JAKMIP1: variants seen among roughly 807,000 people sequenced by gnomAD.
JAKMIP1 encodes the protein janus kinase and microtubule interacting protein 1, also known as janus kinase and microtubule-interacting protein 1.
JAKMIP1 carries 33 observed loss-of-function variants against 113.0 expected under a neutral mutation model. The ratio of observed to expected loss-of-function variants is 0.29; its 90% confidence interval spans 0.22 to 0.39. JAKMIP1 has a LOEUF of 0.39. JAKMIP1 is among the 10% of genes least tolerant of loss of function. The pLI is 1.00. For missense variants in JAKMIP1, 813 were observed against 1,080.5 expected, an observed-to-expected ratio of 0.75 and a Z score of 3.47; for synonymous variants, 480 against 459.9, an observed-to-expected ratio of 1.04 and a Z score of -0.56.
rs1715560689 is a variant in JAKMIP1 at position 6,050,777 on chromosome 4, G to A, written c.1807-98C>T. ...CAGCAAAAACCAAGGAATTCCAGTGGGCACAGACGTTACTAAAAAGCACGA... is the reference window on the plus strand; with the variant it reads ...CAGCAAAAACCAAGGAATTCCAGTGAGCACAGACGTTACTAAAAAGCACGA... On this transcript the variant is annotated intron_variant, in intron 13 of 20. Coordinates refer to ENST00000409021, the MANE Select transcript of JAKMIP1 (RefSeq NM_001099433.2). This position sits in a 1 kb window ranked among gnomAD's most constrained non-coding sequence, Gnocchi z 7.4. The A allele has an allele frequency of 3.2e-6, 3 of 938,360 alleles. No homozygotes were observed. Among genetic ancestry groups the A allele is most frequent in the Admixed American group, 4.6e-5 (2 of 43,470 alleles). 58.1% of individuals were successfully genotyped at this position (938,360 alleles called of 1,614,324 possible). A position where few individuals can be genotyped will look rare whatever the true frequency, so the allele number is the denominator to read the frequency against.
In JAKMIP1 at chr4:6,105,983, C is replaced by A. The variant is rs752229934; in HGVS notation, c.130-16G>T. 1.9e-6 allele frequency: 3 copies of A among 1,540,108 alleles called. No individual in the cohort carries two copies. The highest frequency in any genetic ancestry group is 3.5e-5 in the Admixed American group (2 of 57,806). On this transcript the variant is annotated splice_polypyrimidine_tract_variant and intron_variant, in intron 2 of 20. Transcript: ENST00000409021. ...GTTTGCCCACCTGCAGCCAGAGCGGCGAGAGAGCCGGTCAGGGTCAGGGTC... is the reference window on the plus strand; with the variant it reads ...GTTTGCCCACCTGCAGCCAGAGCGGAGAGAGAGCCGGTCAGGGTCAGGGTC...
intron 1 of JAKMIP1, among the ~76,000 whole-genome samples, chr4:6,113,592 G>A (rs1016430128): frequency 6.6e-6 from 1 of 152,322 alleles, no homozygotes; most frequent in Non-Finnish European, 1.5e-5. Context: ...ACACACAGAG[G>A]TTGACTGCTG....
chr4:6,137,430 T>G lies in JAKMIP1; in HGVS notation c.-147-24433A>C, dbSNP rs368610377. On this transcript the variant is annotated intron_variant, in intron 1 of 20. Coordinates refer to ENST00000409021, the MANE Select transcript of JAKMIP1 (RefSeq NM_001099433.2). The surrounding 1 kb of genome is among the most constrained non-coding windows in gnomAD (Gnocchi z 4.5). Reference sequence around the variant, plus strand: ...TCTGGCCCATGGAACCTTAATCACGTCACACCTGATACAGTTCCTGAAAAG... The same window carrying G: ...TCTGGCCCATGGAACCTTAATCACGGCACACCTGATACAGTTCCTGAAAAG... 3.1e-4 allele frequency among the ~76,000 whole-genome samples: 47 copies of G among 152,240 alleles called. No individual in the cohort carries two copies. The highest frequency in any genetic ancestry group is 1.1e-3 in the African/African-American group (45 of 41,556).
At chr4:6,159,445 A>T (rs1420064597) in intron 1 of JAKMIP1, among the ~76,000 whole-genome samples, 1 of 152,226 alleles carries the variant, frequency 6.6e-6, no homozygotes, top group African/African-American at 2.4e-5. Context: ...CACATAACAA[A>T]TCCCAGGTTA....
In JAKMIP1 at chr4:6,093,133, A is replaced by G. The variant is rs1722312949; in HGVS notation, c.625-7504T>C. Among the ~76,000 whole-genome samples, 1 of 152,092 alleles carries G rather than the reference A, an allele frequency of 6.6e-6. No individual in the cohort carries two copies. Among genetic ancestry groups the G allele is most frequent in the Non-Finnish European group, 1.5e-5 (1 of 68,008 alleles). ...AGGATCACCTAACAAACTCCTATGC[A>G]TCCTTCAAAACCCAGCTCACACCTC... is the stretch of plus-strand genomic sequence containing the variant. On this transcript the variant is annotated intron_variant, in intron 3 of 20. Coordinates refer to ENST00000409021, the MANE Select transcript of JAKMIP1 (RefSeq NM_001099433.2). The surrounding 1 kb of genome is among the most constrained non-coding windows in gnomAD (Gnocchi z 4.6).
rs1717721820 is a variant in JAKMIP1, at chr4:6,064,230, G to C, written c.1431+650C>G. Among the ~76,000 whole-genome samples the C allele has an allele frequency of 6.6e-6, 1 of 152,228 alleles. No individual in the cohort carries two copies. The highest frequency in any genetic ancestry group is 2.4e-5 in the African/African-American group (1 of 41,456). On this transcript the variant is annotated intron_variant, in intron 9 of 20. Transcript: ENST00000409021. This position sits in a 1 kb window ranked among gnomAD's most constrained non-coding sequence, Gnocchi z 4.3. ...CACTGGAAGGCATAGAAGCCCACAA[G>C]GTCTGCCTGAGATGTAATCAGCACT...
rs1341357294 is a variant in JAKMIP1, at chr4:6,140,915, C to A, written c.-147-27918G>T. ...GTAGACACTGGAGAATGGTGGGATC[C>A]CTCTCTTTACAAAATCAGAAGCTGA... On this transcript the variant is annotated intron_variant, in intron 1 of 20. Transcript: ENST00000409021. This position sits in a 1 kb window ranked among gnomAD's most constrained non-coding sequence, Gnocchi z 9.4. Among the ~76,000 whole-genome samples the A allele has an allele frequency of 2.0e-5, 3 of 152,136 alleles. No homozygotes were observed. Among genetic ancestry groups the A allele is most frequent in the Non-Finnish European group, 2.9e-5 (2 of 68,036 alleles).
Position 6,167,614 on chromosome 4 carries a change from T to C in JAKMIP1, c.-148+32639A>G, listed in dbSNP as rs1302832022. Among the ~76,000 whole-genome samples the C allele has an allele frequency of 2.6e-5, 4 of 152,108 alleles. No individual in the cohort carries two copies. The highest frequency in any genetic ancestry group is 4.8e-5 in the African/African-American group (2 of 41,410). On this transcript the variant is annotated intron_variant, in intron 1 of 20. Coordinates refer to ENST00000409021, the MANE Select transcript of JAKMIP1 (RefSeq NM_001099433.2). The surrounding 1 kb of genome is among the most constrained non-coding windows in gnomAD (Gnocchi z 5.3). ...TTAACAAGGAGCCCCAAAAACTACA[T>C]AGCCGTTTCTGACAACCACCAGCCC...
chr4:6,153,085 T>TC lies in JAKMIP1; in HGVS notation c.-147-40089dup, dbSNP rs1181247238. On this transcript the variant is annotated intron_variant, in intron 1 of 20. Transcript: ENST00000409021. The surrounding 1 kb of genome is among the most constrained non-coding windows in gnomAD (Gnocchi z 4.9). ...CTGTGACCAGCCCCACCCATGCACA[T>TC]CCCCCTCCCCTACCTGCCTGAAGAC... is the stretch of plus-strand genomic sequence containing the variant. Among the ~76,000 whole-genome samples the TC allele has an allele frequency of 6.6e-6, 1 of 151,794 alleles. No homozygotes were observed. The highest frequency in any genetic ancestry group is 2.4e-5 in the African/African-American group (1 of 41,310).
Position 6,115,461 on chromosome 4 carries a change from G to A in JAKMIP1, c.-147-2464C>T, listed in dbSNP as rs530860128. 5.7e-4 allele frequency among the ~76,000 whole-genome samples: 87 copies of A among 152,286 alleles called. 2 individuals carry two copies. The South Asian group carries it at 0.013, about 23-fold the overall frequency. ...ATACAATTTATAGTTTCAATTGTCT[G>A]CTATATATATATTTGCTCATTATTT... is the stretch of plus-strand genomic sequence containing the variant. On this transcript the variant is annotated intron_variant, in intron 1 of 20. Transcript: ENST00000409021.
intron 20 of JAKMIP1, among the ~76,000 whole-genome samples, chr4:6,027,394 T>C (rs1161135048): frequency 6.6e-6 from 1 of 152,198 alleles, no homozygotes; most frequent in Non-Finnish European, 1.5e-5. Context: ...GCCCTTCATC[T>C]TCCACATGGG....
At position 6,140,654 on chromosome 4, in the gene JAKMIP1, C is replaced by A. The variant is rs1578362157; in HGVS notation, c.-147-27657G>T. On this transcript the variant is annotated intron_variant, in intron 1 of 20. Transcript: ENST00000409021. This position sits in a 1 kb window ranked among gnomAD's most constrained non-coding sequence, Gnocchi z 9.4. ...ATGATTTTGTTTATCTCCTTTTGAT[C>A]TGTCTTCTCCAAGACATTTTCCACA... Among the ~76,000 whole-genome samples the A allele has an allele frequency of 1.3e-5, 2 of 152,130 alleles. No homozygotes were observed. Among genetic ancestry groups the A allele is most frequent in the Non-Finnish European group, 1.5e-5 (1 of 68,036 alleles).
At chr4:6,134,118 T>A (rs1718903055) in intron 1 of JAKMIP1, among the ~76,000 whole-genome samples, 1 of 152,312 alleles carries the variant, frequency 6.6e-6, no homozygotes, top group Middle Eastern at 3.4e-3. Flanking sequence ...CCCATGCTGT[T>A]CTCATGATAG....
chr4:6,115,576 C>T (rs1715621724), intron 1 of JAKMIP1, among the ~76,000 whole-genome samples: 1 of 152,174 alleles, frequency 6.6e-6, no homozygotes, highest in African/African-American at 2.4e-5. Context: ...AGCCACGCCC[C>T]CAGGATACTG....
intron 3 of JAKMIP1, among the ~76,000 whole-genome samples, chr4:6,095,349 G>A (rs1474002488): frequency 1.3e-5 from 2 of 151,612 alleles, no homozygotes; most frequent in Non-Finnish European, 2.9e-5. Context: ...AGAAAGGAAG[G>A]GAGGAAGAAA....
Position 6,200,408 on chromosome 4 carries a change from T to G in JAKMIP1, c.-303A>C, listed in dbSNP as rs1482971963. ...AGGACAAAACGGAACAGAAAATGAA[T>G]GCATGCACAAAAAAAATCGTAAAAA... On this transcript the variant is annotated 5_prime_UTR_variant, in exon 1 of 21. Coordinates refer to ENST00000409021, the MANE Select transcript of JAKMIP1 (RefSeq NM_001099433.2). The surrounding 1 kb of genome is among the most constrained non-coding windows in gnomAD (Gnocchi z 7.0). The G allele has an allele frequency of 6.6e-6, 1 of 151,422 alleles. No homozygotes were observed. Among genetic ancestry groups the G allele is most frequent in the Non-Finnish European group, 1.5e-5 (1 of 67,698 alleles). The allele number at this position is 151,422 out of a possible 1,614,324, so 9.4% of individuals were successfully genotyped here.
At chr4:6,091,508 AC>A (rs1305952837) in intron 3 of JAKMIP1, among the ~76,000 whole-genome samples, 4 of 152,132 alleles carry the variant, frequency 2.6e-5, no homozygotes, top group Non-Finnish European at 5.9e-5. Context: ...ATATGGGAAT[AC>A]CCCCATTTTA....
chr4:6,194,929 G>A lies in JAKMIP1; in HGVS notation c.-148+5324C>T, dbSNP rs972207437. Among the ~76,000 whole-genome samples the A allele has an allele frequency of 1.3e-5, 2 of 152,094 alleles. No individual in the cohort carries two copies. The highest frequency in any genetic ancestry group is 3.9e-4 in the East Asian group (2 of 5,186). On this transcript the variant is annotated intron_variant, in intron 1 of 20. Transcript: ENST00000409021. The surrounding 1 kb of genome is among the most constrained non-coding windows in gnomAD (Gnocchi z 7.4). Reference sequence around the variant, plus strand: ...CCTCAGACCACACAGAGGGGAACAGGCTGACCTAACACAAGTGGGCGGTGG... The same window carrying A: ...CCTCAGACCACACAGAGGGGAACAGACTGACCTAACACAAGTGGGCGGTGG...
At chr4:6,152,599 A>G (rs1721704610) in intron 1 of JAKMIP1, among the ~76,000 whole-genome samples, 1 of 152,004 alleles carries the variant, frequency 6.6e-6, no homozygotes, top group East Asian at 1.9e-4. Flanking sequence ...TTTGATCCCA[A>G]TACTCAACAC....
Sources: gnomAD v4.1 joint callset for allele counts (sites outside exome capture counted in the v4.1 genomes callset) on GRCh38, gnomAD v4.1.1 for gene constraint, Gnocchi (gnomAD v3.1) non-coding constraint, MANE v1.5 for transcripts, NCBI Gene and HGNC (gene_info 2026-07-23, HGNC 2026-07-21) for gene names.